Variants in TCEA3 observed in about 807,000 individuals in gnomAD.
The protein encoded by TCEA3 is transcription elongation factor A protein 3.
A neutral mutation model predicts 44.0 loss-of-function variants in TCEA3; 36 were observed. That is an observed-to-expected ratio of 0.82 (90% CI 0.63 to 1.08). TCEA3 has a LOEUF of 1.08. Ranked by LOEUF, TCEA3 falls within the 50% of genes least tolerant of loss-of-function variation. The pLI, the probability that TCEA3 is intolerant of heterozygous loss-of-function variation, is 0.00. For missense variants in TCEA3, 392 were observed against 441.2 expected (o/e 0.89, Z 1.00); for synonymous variants, 162 against 159.7 (o/e 1.01, Z -0.11).
chr1:23,397,722 T>C, intron 6 of TCEA3, 70 bp downstream of exon 6: 1 of 1,610,386 alleles, frequency 6.2e-7, no homozygotes, highest in South Asian at 1.1e-5. Context: ...AGACTGAATT[T>C]CATCTGCCCT....
intron 1 of TCEA3, 188 bp from the exon 2 acceptor site, chr1:23,419,327 GC>G (rs1639988842): frequency 2.5e-6 from 1 of 395,928 alleles, no homozygotes; most frequent in Non-Finnish European, 4.5e-6. Flanking sequence ...TTCATCCCCC[GC>G]CACCTGCTGG....
intron 5 of TCEA3, among the ~76,000 whole-genome samples, chr1:23,402,737 T>C (rs1639434843): frequency 6.6e-6 from 1 of 152,196 alleles, no homozygotes; most frequent in South Asian, 2.1e-4. Flanking sequence ...CATCTCCAGA[T>C]TACAGGCTCC....
Position 23,406,459 on chromosome 1 carries a change from A to G in TCEA3, c.443+2205T>C, listed in dbSNP as rs537299648. Among the ~76,000 whole-genome samples the G allele has an allele frequency of 9.3e-4, 142 of 152,126 alleles. No individual in the cohort carries two copies. In the Middle Eastern group the frequency reaches 0.02, roughly 22 times the overall value. On this transcript the variant is annotated intron_variant, in intron 5 of 10. Coordinates refer to ENST00000450454, the MANE Select transcript of TCEA3 (RefSeq NM_003196.3). ...GTTCTCCTTGATCTGCTGCTTGGCC[A>G]CTTCCTGGCCTGGCCTGCTCTCCTT...
chr1:23,410,254 G>A (rs1463116010), intron 4 of TCEA3, among the ~76,000 whole-genome samples: 2 of 151,952 alleles, frequency 1.3e-5, no homozygotes, highest in Non-Finnish European at 2.9e-5. Flanking sequence ...ACCATAAGCT[G>A]GAATTCCTAC....
chr1:23,392,178 G>C (rs1639047532), intron 8 of TCEA3, among the ~76,000 whole-genome samples: 3 of 152,128 alleles, frequency 2.0e-5, no homozygotes, highest in Admixed American at 2.0e-4. Context: ...TTTGCTGTTT[G>C]TTTTGGGTGT....
Position 23,384,435 on chromosome 1 carries a change from C to T in TCEA3, c.967-18G>A, listed in dbSNP as rs1390261745. 1 of 1,611,272 alleles carries T rather than the reference C, an allele frequency of 6.2e-7. No homozygotes were observed. The highest frequency in any genetic ancestry group is 1.3e-5 in the African/African-American group (1 of 75,038). On this transcript the variant is annotated intron_variant, in intron 9 of 10. Coordinates refer to ENST00000450454, the MANE Select transcript of TCEA3 (RefSeq NM_003196.3). ...GTCTGCACCTGAGAGAGAGAAGAAC[C>T]ACTCATGAAGTCACTCCCCTGTTCT...
At chr1:23,422,907 C>G (rs1392360952) in intron 1 of TCEA3, among the ~76,000 whole-genome samples, 2 of 152,228 alleles carry the variant, frequency 1.3e-5, no homozygotes, top group Non-Finnish European at 2.9e-5. Context: ...CTATCCCAAG[C>G]AGCCTGCCTC....
intron 5 of TCEA3, among the ~76,000 whole-genome samples, chr1:23,404,475 T>G (rs1558051495): frequency 6.6e-6 from 1 of 152,118 alleles, no homozygotes; most frequent in African/African-American, 2.4e-5. Context: ...CCACGGTGTT[T>G]TATACCTACC....
chr1:23,411,130 G>A, intron 4 of TCEA3: 1 of 184,624 alleles, frequency 5.4e-6, no homozygotes, highest in South Asian at 1.2e-4. Flanking sequence ...GCACATCAGT[G>A]AAAAAGGGGT....
At chr1:23,391,148 CTTTT>C (rs59905045) in intron 8 of TCEA3, among the ~76,000 whole-genome samples, 37 of 126,384 alleles carry the variant, frequency 2.9e-4, no homozygotes, top group African/African-American at 9.7e-4. Flanking sequence ...TTCTTTCTTT[CTTTT>C]TTTTTTTTTT....
At chr1:23,384,261 C>T in intron 10 of TCEA3, 85 bp downstream of exon 10, 1 of 1,608,392 alleles carries the variant, frequency 6.2e-7, no homozygotes, top group Middle Eastern at 1.7e-4. Context: ...TGCACAAGGC[C>T]CCTTCTGGGT....
Position 23,384,422 on chromosome 1 carries a change from G to A in TCEA3, c.967-5C>T. ...ATCAGCACTGCGTGTCTGCACCTGA[G>A]AGAGAGAAGAACCACTCATGAAGTC... On this transcript the variant is annotated splice_region_variant and splice_polypyrimidine_tract_variant and intron_variant, in intron 9 of 10. Coordinates refer to ENST00000450454, the MANE Select transcript of TCEA3 (RefSeq NM_003196.3). The A allele has an allele frequency of 6.2e-7, 1 of 1,612,226 alleles. No individual in the cohort carries two copies. The highest frequency in any genetic ancestry group is 1.1e-5 in the South Asian group (1 of 90,546).
intron 5 of TCEA3, among the ~76,000 whole-genome samples, chr1:23,399,178 A>ATATATATATATC (rs1425816669): frequency 1.4e-5 from 2 of 141,146 alleles, no homozygotes; most frequent in Non-Finnish European, 3.1e-5. Flanking sequence ...ATATATATAT[A>ATATATATATATC]TCCATATGTG....
chr1:23,382,300 A>G (rs1438273984), intron 10 of TCEA3, among the ~76,000 whole-genome samples: 2 of 152,260 alleles, frequency 1.3e-5, no homozygotes, highest in East Asian at 1.9e-4. Flanking sequence ...CCGGCCTCCC[A>G]AAGTGCTGGA....
chr1:23,416,000 CTTTTTTTTTTT>C (rs768819564), intron 4 of TCEA3, among the ~76,000 whole-genome samples: 2 of 118,706 alleles, frequency 1.7e-5, no homozygotes, highest in African/African-American at 7.0e-5. Flanking sequence ...CTACATTTTC[CTTTTTTTTTTT>C]TTTTTTTTTT....
At chr1:23,421,966 A>G (rs1287315954) in intron 1 of TCEA3, among the ~76,000 whole-genome samples, 1 of 152,188 alleles carries the variant, frequency 6.6e-6, no homozygotes, top group Non-Finnish European at 1.5e-5. Flanking sequence ...TTGTAGCTGG[A>G]TAAACAAAGC....
intron 10 of TCEA3, among the ~76,000 whole-genome samples, chr1:23,381,761 T>A (rs1439450915): frequency 6.6e-6 from 1 of 152,244 alleles, no homozygotes; most frequent in Non-Finnish European, 1.5e-5. Flanking sequence ...CTGGGATGGC[T>A]ACTAATCACT....
At chr1:23,382,612 G>A (rs1638698370) in intron 10 of TCEA3, among the ~76,000 whole-genome samples, 1 of 152,206 alleles carries the variant, frequency 6.6e-6, no homozygotes, top group Non-Finnish European at 1.5e-5. Flanking sequence ...TGGAGGAAGG[G>A]ACACCTTTTT....
intron 1 of TCEA3, among the ~76,000 whole-genome samples, chr1:23,419,652 C>G (rs1410440566): frequency 7.6e-4 from 115 of 152,212 alleles, no homozygotes; most frequent in Non-Finnish European, 1.6e-4. Context: ...GCCTGGCCAA[C>G]ATGGTGAAGC....
Sources: allele counts gnomAD v4.1 joint callset (sites outside exome capture counted in the v4.1 genomes callset), GRCh38; gene constraint gnomAD v4.1.1; transcripts MANE v1.5; gene names NCBI Gene and HGNC (gene_info 2026-07-23, HGNC 2026-07-21).